EDIL3: variants seen among roughly 807,000 people sequenced by gnomAD.
EDIL3 encodes the protein EGF like and discoidin domains 3.
In EDIL3, 37 loss-of-function variants were observed where a neutral mutation model predicts 67.4. The observed-to-expected ratio is 0.55, with a 90% CI of 0.42 to 0.72. The LOEUF (loss-of-function observed/expected upper bound fraction) is 0.72. Among genes scored for constraint, EDIL3 ranks in the 30% least tolerant of loss-of-function variants. The pLI, the probability that EDIL3 is intolerant of heterozygous loss-of-function variation, is 0.00. For missense variants in EDIL3, 527 were observed against 586.3 expected, an observed-to-expected ratio of 0.90 and a Z score of 1.04; for synonymous variants, 195 against 196.3, an observed-to-expected ratio of 0.99 and a Z score of 0.05.
intron 1 of EDIL3, among the ~76,000 whole-genome samples, chr5:84,379,030 G>A (rs1663851706): frequency 6.6e-6 from 1 of 152,082 alleles, no homozygotes; most frequent in Non-Finnish European, 1.5e-5. Context: ...GAGGGAGGAG[G>A]GGAGAGGAGG....
At chr5:84,186,200 T>C (rs1287347022) in intron 3 of EDIL3, among the ~76,000 whole-genome samples, 2 of 151,342 alleles carry the variant, frequency 1.3e-5, no homozygotes, top group South Asian at 2.1e-4. Context: ...TGAAAAAAAA[T>C]ATTACTAAAG....
chr5:84,356,872 GA>G (rs1279265697), intron 1 of EDIL3, among the ~76,000 whole-genome samples: 2 of 109,528 alleles, frequency 1.8e-5, no homozygotes, highest in Non-Finnish European at 3.8e-5. Flanking sequence ...AGGACCTTGA[GA>G]AAACAATCTT....
rs114762000 is a variant in EDIL3, at chr5:84,007,450, G to A, written c.1138-44090C>T. On this transcript the variant is annotated intron_variant, in intron 9 of 10. Coordinates refer to ENST00000296591, the MANE Select transcript of EDIL3 (RefSeq NM_005711.5). ...GGAAAAAAACCTAATAATCTGATCA[G>A]AAAATGGGCAGAAATCTGAATGACA... Among the ~76,000 whole-genome samples the A allele has an allele frequency of 7.7e-3, 1,170 of 152,158 alleles. 14 individuals carry two copies. Among genetic ancestry groups the A allele is most frequent in the African/African-American group, 0.027 (1,119 of 41,546 alleles).
chr5:84,301,151 C>T (rs1193969400), intron 1 of EDIL3, among the ~76,000 whole-genome samples: 2 of 151,860 alleles, frequency 1.3e-5, no homozygotes, highest in African/African-American at 4.8e-5. Context: ...GCCTGTAATC[C>T]CGGCTACTCG....
chr5:84,067,715 C>G (rs1313947312), intron 6 of EDIL3, among the ~76,000 whole-genome samples: 1 of 152,144 alleles, frequency 6.6e-6, no homozygotes, highest in Non-Finnish European at 1.5e-5. Context: ...AACTGCCACC[C>G]TATCGCCATT....
chr5:84,362,922 G>C (rs910786872), intron 1 of EDIL3, among the ~76,000 whole-genome samples: 1 of 152,056 alleles, frequency 6.6e-6, no homozygotes, highest in Non-Finnish European at 1.5e-5. Context: ...CCAAAGAACA[G>C]ACAGAAATTA....
chr5:84,143,141 G>A (rs1345345736), intron 4 of EDIL3, among the ~76,000 whole-genome samples: 1 of 151,754 alleles, frequency 6.6e-6, no homozygotes, highest in Non-Finnish European at 1.5e-5. Flanking sequence ...GAATTTCTAG[G>A]AATTTGATTC....
chr5:84,173,690 C>T (rs894366888), intron 4 of EDIL3, among the ~76,000 whole-genome samples: 2 of 152,176 alleles, frequency 1.3e-5, no homozygotes, highest in Admixed American at 6.5e-5. Context: ...ACAAACCACC[C>T]GGCCTGGAAG....
intron 1 of EDIL3, among the ~76,000 whole-genome samples, chr5:84,302,389 C>T (rs568688237): frequency 3.3e-5 from 5 of 152,214 alleles, no homozygotes; most frequent in Non-Finnish European, 5.9e-5. Context: ...CTCTGCCTCC[C>T]GGGTTCACGC....
At chr5:84,255,671 G>A (rs1745110456) in intron 1 of EDIL3, among the ~76,000 whole-genome samples, 1 of 152,144 alleles carries the variant, frequency 6.6e-6, no homozygotes, top group African/African-American at 2.4e-5. Context: ...CTCTTTTCCA[G>A]ATGAAGCACT....
At chr5:84,174,978 C>A (rs1024860520) in intron 4 of EDIL3, among the ~76,000 whole-genome samples, 3 of 152,260 alleles carry the variant, frequency 2.0e-5, no homozygotes, top group African/African-American at 4.8e-5. Context: ...CACCTGATAG[C>A]AATAACGTCT....
At chr5:84,064,196 G>A (rs1746592246) in intron 8 of EDIL3, among the ~76,000 whole-genome samples, 1 of 152,044 alleles carries the variant, frequency 6.6e-6, no homozygotes, top group African/African-American at 2.4e-5. Context: ...GAAGTATTGA[G>A]GAATGAGAAA....
intron 1 of EDIL3, among the ~76,000 whole-genome samples, chr5:84,318,260 C>G (rs1210325627): frequency 6.6e-6 from 1 of 152,128 alleles, no homozygotes; most frequent in Non-Finnish European, 1.5e-5. Context: ...TCAATGCTAT[C>G]CCCATCAAGC....
chr5:84,123,940 C>G (rs1020966540), intron 5 of EDIL3, among the ~76,000 whole-genome samples: 2 of 151,904 alleles, frequency 1.3e-5, no homozygotes, highest in African/African-American at 4.8e-5. Flanking sequence ...TCAGTTTAAA[C>G]TTGGATTAAA....
At chr5:84,245,006 G>A (rs926743825) in intron 2 of EDIL3, among the ~76,000 whole-genome samples, 4 of 152,166 alleles carry the variant, frequency 2.6e-5, no homozygotes, top group African/African-American at 4.8e-5. Context: ...CCAGTCCTTG[G>A]TACCAAAGAG....
intron 1 of EDIL3, among the ~76,000 whole-genome samples, chr5:84,356,681 T>TC (rs1747488877): frequency 6.6e-6 from 1 of 152,158 alleles, no homozygotes; most frequent in Admixed American, 6.6e-5. Flanking sequence ...AAGAACAGGT[T>TC]CGGGGAAGGA....
At chr5:84,208,058 A>C (rs1561221184) in intron 3 of EDIL3, among the ~76,000 whole-genome samples, 1 of 151,008 alleles carries the variant, frequency 6.6e-6, no homozygotes, top group Admixed American at 6.6e-5. Flanking sequence ...GGATCTAATT[A>C]AACTAAAGAG....
intron 2 of EDIL3, among the ~76,000 whole-genome samples, chr5:84,243,588 A>G (rs1744841178): frequency 6.6e-6 from 1 of 152,206 alleles, no homozygotes; most frequent in Non-Finnish European, 1.5e-5. Context: ...TAGCAGATAA[A>G]GACATTGTGG....
intron 9 of EDIL3, among the ~76,000 whole-genome samples, chr5:84,045,664 T>C (rs955698410): frequency 3.3e-5 from 5 of 152,190 alleles, no homozygotes; most frequent in Non-Finnish European, 7.4e-5. Flanking sequence ...AAAGGCTTTG[T>C]CTAGGTCCAG....
Sources: allele counts gnomAD v4.1 joint callset (sites outside exome capture counted in the v4.1 genomes callset), GRCh38; gene constraint gnomAD v4.1.1; transcripts MANE v1.5; gene names NCBI Gene and HGNC (gene_info 2026-07-23, HGNC 2026-07-21).